CCDC7: variants seen among roughly 807,000 people sequenced by gnomAD.
The protein encoded by CCDC7 is coiled-coil domain-containing protein 7.
Under a neutral mutation model 196.9 loss-of-function variants are expected in CCDC7, and 183 were observed. The ratio of observed to expected loss-of-function variants is 0.93; its 90% confidence interval spans 0.82 to 1.05. CCDC7 has a LOEUF of 1.05. Ranked by LOEUF, CCDC7 falls within the 50% of genes least tolerant of loss-of-function variation. The pLI, the probability that CCDC7 is intolerant of heterozygous loss-of-function variation, is 0.00. For missense variants in CCDC7, 1,540 were observed against 1,482.2 expected, an observed-to-expected ratio of 1.04 and a Z score of -0.64; for synonymous variants, 525 against 484.6, an observed-to-expected ratio of 1.08 and a Z score of -1.10.
intron 8 of CCDC7, among the ~76,000 whole-genome samples, chr10:32,480,363 C>T (rs913228453): frequency 6.6e-6 from 1 of 151,882 alleles, no homozygotes; most frequent in Non-Finnish European, 1.5e-5. Context: ...TGCTCTGTTG[C>T]CCAGGCTGGA....
At chr10:32,844,712 A>T (rs2093178266) in intron 33 of CCDC7, among the ~76,000 whole-genome samples, 1 of 151,828 alleles carries the variant, frequency 6.6e-6, no homozygotes, top group African/African-American at 2.4e-5. Flanking sequence ...CAATTTTGTC[A>T]TTATCTTGAT....
chr10:32,741,136 T>G (rs929011105), intron 28 of CCDC7, among the ~76,000 whole-genome samples: 9 of 152,138 alleles, frequency 5.9e-5, no homozygotes, highest in Non-Finnish European at 1.3e-4. Context: ...ACATTTATTT[T>G]GAAATTCTGA....
rs145687465 is a variant in CCDC7, at chr10:32,641,777, G to A, written c.2014+6619G>A. ...TCTGTTCTGTTTTTTCCCCATCTTC[G>A]TGGTTTTATCTACCTTTGGTCTTTG... is the stretch of plus-strand genomic sequence containing the variant. On this transcript the variant is annotated intron_variant, in intron 20 of 41. Coordinates refer to ENST00000639629, the Ensembl canonical transcript of CCDC7. 7.6e-3 allele frequency among the ~76,000 whole-genome samples: 1,156 copies of A among 152,146 alleles called. 22 individuals are homozygous for A. Among genetic ancestry groups the A allele is most frequent in the African/African-American group, 0.026 (1,066 of 41,504 alleles).
rs189899020 is a variant in CCDC7, at chr10:32,508,148, C to G, written c.873-9797C>G. On this transcript the variant is annotated intron_variant, in intron 9 of 41. Transcript: ENST00000639629. Reference sequence around the variant, plus strand: ...AACCCTAAGGATGCTTCCCCCACCCCCATCAAATATAGAATGGTGCCACTC... The same window carrying G: ...AACCCTAAGGATGCTTCCCCCACCCGCATCAAATATAGAATGGTGCCACTC... Among the ~76,000 whole-genome samples, 6 of 152,224 alleles carry G rather than the reference C, an allele frequency of 3.9e-5. No homozygotes were observed. In the East Asian group the frequency reaches 1.2e-3, roughly 29 times the overall value.
At chr10:32,663,420 T>G (rs1366005622) in intron 20 of CCDC7, among the ~76,000 whole-genome samples, 1 of 152,226 alleles carries the variant, frequency 6.6e-6, no homozygotes, top group African/African-American at 2.4e-5. Flanking sequence ...CTTTGTTTTC[T>G]GGTTTATCTT....
chr10:32,722,806 G>T (rs1262595739), intron 25 of CCDC7, among the ~76,000 whole-genome samples: 1 of 152,022 alleles, frequency 6.6e-6, no homozygotes, highest in Non-Finnish European at 1.5e-5. Context: ...TCCCATCATA[G>T]TGTTAGGGAT....
At position 32,699,498 on chromosome 10, in the gene CCDC7, G is replaced by T. The variant is rs182157430; in HGVS notation, c.2458+4506G>T. Among the ~76,000 whole-genome samples, 67 of 145,656 alleles carry T rather than the reference G, an allele frequency of 4.6e-4. 11 individuals carry two copies. The highest frequency in any genetic ancestry group is 1.7e-3 in the African/African-American group (59 of 35,278). On this transcript the variant is annotated intron_variant, in intron 24 of 41. Coordinates refer to ENST00000639629, the Ensembl canonical transcript of CCDC7. ...TTCCAAGTCTTTGCTATTGTGAATA[G>T]TGCCACAATAAACATACGTGTGCAT...
At chr10:32,711,980 T>A (rs1441590446) in intron 25 of CCDC7, among the ~76,000 whole-genome samples, 2 of 152,184 alleles carry the variant, frequency 1.3e-5, no homozygotes, top group East Asian at 3.9e-4. Flanking sequence ...AATAGGCCAA[T>A]AATTGTCTCA....
At chr10:32,526,555 A>G (rs2048707476) in intron 11 of CCDC7, among the ~76,000 whole-genome samples, 1 of 152,148 alleles carries the variant, frequency 6.6e-6, no homozygotes, top group Non-Finnish European at 1.5e-5. Flanking sequence ...CTCAGAGCCC[A>G]GGCCCACAGT....
At chr10:32,729,532 T>C in intron 28 of CCDC7, 75 bp downstream of exon 29, 1 of 685,120 alleles carries the variant, frequency 1.5e-6, no homozygotes, top group African/African-American at 1.8e-5. Context: ...TTTATAAATA[T>C]GCCTTCAACC....
chr10:32,573,066 C>T (rs577722091), intron 16 of CCDC7, among the ~76,000 whole-genome samples: 6 of 151,626 alleles, frequency 4.0e-5, no homozygotes, highest in South Asian at 2.1e-4. Context: ...TTAGTAGAGA[C>T]GGGGTTTCGC....
chr10:32,814,865 G>T (rs1035779628), intron 31 of CCDC7, among the ~76,000 whole-genome samples: 2 of 152,182 alleles, frequency 1.3e-5, no homozygotes, highest in Non-Finnish European at 2.9e-5. Context: ...GATACCAAAA[G>T]AAGACATTTT....
At chr10:32,782,649 T>C (rs2081248253) in intron 29 of CCDC7, among the ~76,000 whole-genome samples, 1 of 152,234 alleles carries the variant, frequency 6.6e-6, no homozygotes, top group Non-Finnish European at 1.5e-5. Context: ...TAGAAAACCC[T>C]ATCTTAAAAA....
intron 21 of CCDC7, among the ~76,000 whole-genome samples, chr10:32,672,821 A>G (rs2074294141): frequency 6.6e-6 from 1 of 152,120 alleles, no homozygotes; most frequent in South Asian, 2.1e-4. Flanking sequence ...CAGTTTCATT[A>G]ATGTGCCCAT....
At chr10:32,845,368 T>A (rs374071359) in intron 34 of CCDC7, 42 bp downstream of exon 35, 2 of 1,399,064 alleles carry the variant, frequency 1.4e-6, no homozygotes. Context: ...TATGGCTGAT[T>A]GATATTCCCT....
chr10:32,705,867 A>G (rs1443291710), intron 24 of CCDC7, among the ~76,000 whole-genome samples: 3 of 152,100 alleles, frequency 2.0e-5, no homozygotes, highest in Non-Finnish European at 2.9e-5. Context: ...CACAATAACA[A>G]TGGGAGACTT....
intron 39 of CCDC7, among the ~76,000 whole-genome samples, chr10:32,849,701 C>CAAAAAAAAAA (rs34677799): frequency 1.2e-5 from 1 of 80,820 alleles, no homozygotes; most frequent in African/African-American, 5.4e-5. Flanking sequence ...GACTCCGTCT[C>CAAAAAAAAAA]AAAAAAAAAA....
intron 18 of CCDC7, among the ~76,000 whole-genome samples, chr10:32,584,779 A>T (rs1038637606): frequency 1.3e-4 from 18 of 137,824 alleles, no homozygotes; most frequent in Admixed American, 6.6e-4. Flanking sequence ...AAAAAAAAAG[A>T]TTGGTGAGTT....
intron 21 of CCDC7, among the ~76,000 whole-genome samples, chr10:32,682,176 C>A (rs945549506): frequency 6.6e-6 from 1 of 152,076 alleles, no homozygotes; most frequent in African/African-American, 2.4e-5. Flanking sequence ...CTCTGCCTAC[C>A]CTCCACCCTC....
Sources: allele counts gnomAD v4.1 joint callset (sites outside exome capture counted in the v4.1 genomes callset), GRCh38; gene constraint gnomAD v4.1.1; transcripts MANE v1.5; gene names NCBI Gene and HGNC (gene_info 2026-07-23, HGNC 2026-07-21).